Variants in OXNAD1 observed in about 807,000 individuals in gnomAD.
The protein encoded by OXNAD1 is oxidoreductase NAD binding domain containing 1.
OXNAD1 carries 34 observed loss-of-function variants against 32.9 expected under a neutral mutation model. The observed-to-expected ratio is 1.03, with a 90% CI of 0.79 to 1.38. The LOEUF is 1.38. Among genes scored for constraint, OXNAD1 ranks in the 40% most tolerant of loss-of-function variants. The probability of loss-of-function intolerance (pLI) is 0.00; values close to 1 mark genes in which losing one functional copy is unlikely to be tolerated. For missense variants in OXNAD1, 407 were observed against 379.4 expected, an observed-to-expected ratio of 1.07 and a Z score of -0.60; for synonymous variants, 134 against 135.2, an observed-to-expected ratio of 0.99 and a Z score of 0.06.
Position 16,303,375 on chromosome 3 carries a change from G to A in OXNAD1, c.785-33G>A, listed in dbSNP as rs1458271540. 7 of 1,609,868 alleles carry A rather than the reference G, an allele frequency of 4.3e-6. No homozygotes were observed. Among genetic ancestry groups the A allele is most frequent in the Non-Finnish European group, 5.9e-6 (7 of 1,177,420 alleles). ...TCATTTGCTGATACAACCATGTCTG[G>A]CTTAATTTGGTGTTTATTCTGGTTT... On this transcript the variant is annotated intron_variant, in intron 8 of 8. Transcript: ENST00000285083. This position sits in a 1 kb window ranked among gnomAD's most constrained non-coding sequence, Gnocchi z 4.8.
intron 4 of OXNAD1, among the ~76,000 whole-genome samples, chr3:16,283,594 T>C (rs976624766): frequency 2.6e-5 from 4 of 152,268 alleles, no homozygotes; most frequent in African/African-American, 9.6e-5. Context: ...CTGTTACTTA[T>C]GGGGAGTGTT....
chr3:16,279,565 C>G (rs1355520217), intron 4 of OXNAD1, among the ~76,000 whole-genome samples: 1 of 151,910 alleles, frequency 6.6e-6, no homozygotes, highest in East Asian at 1.9e-4. Flanking sequence ...GGACTCAGGA[C>G]TCAGCCCAGG....
rs374583562 is a variant in OXNAD1, at chr3:16,321,716, C to G, written c.*31-15396C>G. On this transcript the variant is annotated intron_variant, in intron 9 of 9. Coordinates refer to the OXNAD1 transcript ENST00000435829. This position sits in a 1 kb window ranked among gnomAD's most constrained non-coding sequence, Gnocchi z 4.8. ...TAATTAGGTACATGGAAAGAGAAAG[C>G]AGTCCACCCAGATGAGTACAGCTGC... is the stretch of plus-strand genomic sequence containing the variant. 1.1e-4 allele frequency among the ~76,000 whole-genome samples: 17 copies of G among 152,204 alleles called. No homozygotes were observed. The East Asian group carries it at 2.7e-3, about 24-fold the overall frequency.
At position 16,320,692 on chromosome 3, in the gene OXNAD1, A is replaced by C. The variant is rs977768700; in HGVS notation, c.*31-16420A>C. Among the ~76,000 whole-genome samples the C allele has an allele frequency of 2.0e-5, 3 of 152,230 alleles. No individual in the cohort carries two copies. Among genetic ancestry groups the C allele is most frequent in the African/African-American group, 7.2e-5 (3 of 41,454 alleles). On this transcript the variant is annotated intron_variant, in intron 9 of 9. Transcript: ENST00000435829. The surrounding 1 kb of genome is among the most constrained non-coding windows in gnomAD (Gnocchi z 4.5). ...TTCTGAGAAAAGGATGCTCGAGTAGAGCTAGAAAGGAGGAGAATGTCCTTG... is the reference window on the plus strand; with the variant it reads ...TTCTGAGAAAAGGATGCTCGAGTAGCGCTAGAAAGGAGGAGAATGTCCTTG...
chr3:16,344,838 G>A lies in OXNAD1; in HGVS notation c.*31-4338G>A, dbSNP rs1377929724. 6.6e-6 allele frequency among the ~76,000 whole-genome samples: 1 copy of A among 152,158 alleles called. No homozygotes were observed. The highest frequency in any genetic ancestry group is 2.4e-5 in the African/African-American group (1 of 41,428). On this transcript the variant is annotated intron_variant, in intron 9 of 9. Coordinates refer to the OXNAD1 transcript ENST00000606098. This position sits in a 1 kb window ranked among gnomAD's most constrained non-coding sequence, Gnocchi z 4.4. ...GTGAATTTCAAAGAACATATTTCAAGGAGTGGTAGTGAGTGAACACATAAC... is the reference window on the plus strand; with the variant it reads ...GTGAATTTCAAAGAACATATTTCAAAGAGTGGTAGTGAGTGAACACATAAC...
At chr3:16,310,035 G>T (rs1048095327), downstream of OXNAD1, among the ~76,000 whole-genome samples, 7 of 152,216 alleles carry the variant, frequency 4.6e-5, no homozygotes, top group African/African-American at 1.7e-4. Context: ...AGTTTGGTTT[G>T]ATACAGGGGA....
rs750491540 is a variant in OXNAD1 at position 16,313,205 on chromosome 3, A to ATTTTTTTTTTT, written c.*30+9621_*30+9631dup. On this transcript the variant is annotated intron_variant, in intron 9 of 9. Transcript: ENST00000435829. ...GTACATGTACCACCACACCCAGCGG[A>ATTTTTTTTTTT]TTTTTTTTTTTTTTTTTTGCAGAGG... Among the ~76,000 whole-genome samples the ATTTTTTTTTTT allele has an allele frequency of 7.9e-4, 82 of 103,808 alleles. 6 individuals carry two copies. Among genetic ancestry groups the ATTTTTTTTTTT allele is most frequent in the African/African-American group, 3.1e-3 (70 of 22,788 alleles). The allele number at this position is 103,808 out of a possible 152,430, so 68.1% of individuals were successfully genotyped here.
chr3:16,270,733 T>G (rs772204491), intron 2 of OXNAD1, among the ~76,000 whole-genome samples: 1 of 152,178 alleles, frequency 6.6e-6, no homozygotes, highest in African/African-American at 2.4e-5. Context: ...TACATACTTA[T>G]ATACATAATT....
Position 16,302,555 on chromosome 3 carries a change from G to C in OXNAD1, c.676-85G>C. 1 of 856,904 alleles carries C rather than the reference G, an allele frequency of 1.2e-6. No homozygotes were observed. Among genetic ancestry groups the C allele is most frequent in the East Asian group, 2.7e-5 (1 of 37,704 alleles). 53.1% of individuals were successfully genotyped at this position (856,904 alleles called of 1,614,324 possible). On this transcript the variant is annotated intron_variant, in intron 7 of 8. Transcript: ENST00000285083. This position sits in a 1 kb window ranked among gnomAD's most constrained non-coding sequence, Gnocchi z 4.2. ...AGAGCGGCAGACGTGTGCAGAATGGGAGTTGAGGTTCAGCGTCAATGGTTG... is the reference window on the plus strand; with the variant it reads ...AGAGCGGCAGACGTGTGCAGAATGGCAGTTGAGGTTCAGCGTCAATGGTTG...
intron 9 of OXNAD1, among the ~76,000 whole-genome samples, chr3:16,343,155 A>G (rs187647720): frequency 6.6e-6 from 1 of 152,274 alleles, no homozygotes; most frequent in East Asian, 1.9e-4. Context: ...GTGAATTTTT[A>G]ATAAGTCCTC....
At chr3:16,293,978 C>A (rs1009319028) in intron 5 of OXNAD1, among the ~76,000 whole-genome samples, 1 of 152,100 alleles carries the variant, frequency 6.6e-6, no homozygotes, top group Admixed American at 6.6e-5. Context: ...AGATGTTAAA[C>A]CAACCTTGTA....
Position 16,302,408 on chromosome 3 carries a change from C to T in OXNAD1, c.676-232C>T, listed in dbSNP as rs2067247873. ...TGAGAAAAAGGAAAAAGAAAAAACT[C>T]CCGGAGAGTTGGTAATATGCTTGTT... On this transcript the variant is annotated intron_variant, in intron 7 of 8. Transcript: ENST00000285083. The surrounding 1 kb of genome is among the most constrained non-coding windows in gnomAD (Gnocchi z 4.2). Among the ~76,000 whole-genome samples the T allele has an allele frequency of 6.6e-6, 1 of 152,144 alleles. No individual in the cohort carries two copies. The highest frequency in any genetic ancestry group is 1.5e-5 in the Non-Finnish European group (1 of 68,020).
intron 9 of OXNAD1, among the ~76,000 whole-genome samples, chr3:16,315,193 G>A (rs145878830): frequency 3.3e-5 from 5 of 152,298 alleles, no homozygotes; most frequent in African/African-American, 1.2e-4. Flanking sequence ...TCGGCTCACT[G>A]CAATCTCTGC....
Position 16,317,383 on chromosome 3 carries a change from G to C in OXNAD1, c.*30+13791G>C. On this transcript the variant is annotated intron_variant, in intron 9 of 9. Transcript: ENST00000435829. This position sits in a 1 kb window ranked among gnomAD's most constrained non-coding sequence, Gnocchi z 4.3. The stretch of plus-strand genomic sequence containing the variant: ...GCCAGGCAGTACAGGCACCAAACTT[G>C]AATCGCACACTATCACATCACACCC... 1 of 729,872 alleles carries C rather than the reference G, an allele frequency of 1.4e-6. No individual in the cohort carries two copies. Among genetic ancestry groups the C allele is most frequent in the Non-Finnish European group, 2.2e-6 (1 of 447,188 alleles). The allele number at this position is 729,872 out of a possible 1,614,324, so 45.2% of individuals were successfully genotyped here. A position where few individuals can be genotyped will look rare whatever the true frequency, so the allele number is the denominator to read the frequency against.
chr3:16,345,421 T>C lies in OXNAD1; in HGVS notation c.*31-3755T>C, dbSNP rs1464722922. Among the ~76,000 whole-genome samples the C allele has an allele frequency of 1.3e-5, 2 of 152,188 alleles. No individual in the cohort carries two copies. The highest frequency in any genetic ancestry group is 4.8e-5 in the African/African-American group (2 of 41,434). On this transcript the variant is annotated intron_variant, in intron 9 of 9. Transcript: ENST00000606098. This position sits in a 1 kb window ranked among gnomAD's most constrained non-coding sequence, Gnocchi z 5.2. ...CTTGCCACAGGATGCATAAACATTA[T>C]TTTTGGGCATGTTGTGAGGGTGTTT...
chr3:16,307,336 C>G (rs78354773), downstream of OXNAD1, among the ~76,000 whole-genome samples: 2,888 of 152,248 alleles, frequency 0.019, 80 homozygotes, highest in East Asian at 0.1. Flanking sequence ...GTTCGGGGCT[C>G]TTAACGTGCA....
chr3:16,337,701 C>T (rs977645351), downstream of OXNAD1, among the ~76,000 whole-genome samples: 5 of 148,604 alleles, frequency 3.4e-5, no homozygotes, highest in Admixed American at 1.3e-4. This position sits in a 1 kb window ranked among gnomAD's most constrained non-coding sequence, Gnocchi z 5.0. Flanking sequence ...CAGATTGCGC[C>T]ACTGCACTCC....
rs2066393133 is a variant in OXNAD1, at chr3:16,290,965, T to G, written c.291-3891T>G. ...AGATTGGATGTTTATGTTTCCCAGA[T>G]ATGGGGATGAGAATTTTTTGTGGTT... On this transcript the variant is annotated intron_variant, in intron 5 of 8. Coordinates refer to ENST00000285083, the MANE Select transcript of OXNAD1 (RefSeq NM_138381.5). This position sits in a 1 kb window ranked among gnomAD's most constrained non-coding sequence, Gnocchi z 4.2. 6.6e-6 allele frequency among the ~76,000 whole-genome samples: 1 copy of G among 152,212 alleles called. No homozygotes were observed. Among genetic ancestry groups the G allele is most frequent in the Non-Finnish European group, 1.5e-5 (1 of 68,028 alleles).
rs1385633246 is a variant in OXNAD1 at position 16,328,804 on chromosome 3, TCC to T, written c.*31-8306_*31-8305del. 4.6e-5 allele frequency among the ~76,000 whole-genome samples: 7 copies of T among 152,264 alleles called. No individual in the cohort carries two copies. In the South Asian group the frequency reaches 8.3e-4, roughly 18 times the overall value. On this transcript the variant is annotated intron_variant, in intron 9 of 9. Coordinates refer to the OXNAD1 transcript ENST00000435829. The stretch of plus-strand genomic sequence containing the variant: ...ACCATCGCCTAGGTAATCATGTAGG[TCC>T]CTCCTGGCAAAAGAAAAGTCTGTAA...
Sources: allele counts gnomAD v4.1 joint callset (sites outside exome capture counted in the v4.1 genomes callset), GRCh38; gene constraint gnomAD v4.1.1; non-coding constraint Gnocchi (gnomAD v3.1); transcripts MANE v1.5; gene names NCBI Gene and HGNC (gene_info 2026-07-23, HGNC 2026-07-21).